Variants in KCNQ1 observed in about 807,000 individuals in gnomAD.
KCNQ1 encodes the protein potassium voltage-gated channel subfamily Q member 1.
In KCNQ1, 49 loss-of-function variants were observed where a neutral mutation model predicts 72.4. The ratio of observed to expected loss-of-function variants is 0.68; its 90% CI spans 0.54 to 0.86. The LOEUF is 0.86. Ranked by LOEUF, KCNQ1 falls within the 40% of genes least tolerant of loss-of-function variation. The probability of loss-of-function intolerance (pLI) is 0.00; values close to 1 mark genes in which losing one functional copy is unlikely to be tolerated. For synonymous variants in KCNQ1, 450 were observed against 412.6 expected (o/e 1.09, Z -1.10); for missense variants, 790 against 945.1 (o/e 0.84, Z 2.15).
In KCNQ1 at chr11:2,676,516, G is replaced by C. The variant is rs187649023; in HGVS notation, c.1514+14435G>C. On this transcript the variant is annotated intron_variant, in intron 11 of 15. Transcript: ENST00000155840. The surrounding 1 kb of genome is among the most constrained non-coding windows in gnomAD (Gnocchi z 4.2). Reference sequence around the variant, plus strand: ...CCATTTCTGGTGAACACTTGGACTTGGCAAAAGGCATAGAGGTAGTGGTAC... The same window carrying C: ...CCATTTCTGGTGAACACTTGGACTTCGCAAAAGGCATAGAGGTAGTGGTAC... The C allele has an allele frequency of 2.5e-6, 1 of 398,670 alleles. No homozygotes were observed. The highest frequency in any genetic ancestry group is 2.1e-5 in the African/African-American group (1 of 48,766). 24.7% of individuals were successfully genotyped at this position (398,670 alleles called of 1,614,324 possible). A position where few individuals can be genotyped will look rare whatever the true frequency, so the allele number is the denominator to read the frequency against.
At position 2,674,832 on chromosome 11, in the gene KCNQ1, T is replaced by TA. The variant is rs34219164; in HGVS notation, c.1514+12779dup. ...GCTTGTCACCCTAATAGCTGTTTTTTAAAAAAAAAAAAAAAAAAAAAAAAA... is the reference window on the plus strand; with the variant it reads ...GCTTGTCACCCTAATAGCTGTTTTTTAAAAAAAAAAAAAAAAAAAAAAAAAA... On this transcript the variant is annotated intron_variant, in intron 11 of 15. Transcript: ENST00000155840. The surrounding 1 kb of genome is among the most constrained non-coding windows in gnomAD (Gnocchi z 5.9). 0.095 allele frequency: 28,229 copies of TA among 295,938 alleles called. 1,878 individuals are homozygous for TA. The highest frequency in any genetic ancestry group is 0.21 in the African/African-American group (5,686 of 27,476). 18.3% of individuals were successfully genotyped at this position (295,938 alleles called of 1,614,324 possible). A position where few individuals can be genotyped will look rare whatever the true frequency, so the allele number is the denominator to read the frequency against.
rs149223287 is a variant in KCNQ1, at chr11:2,797,573, C to T, written c.1794+19536C>T. Among the ~76,000 whole-genome samples the T allele has an allele frequency of 3.9e-5, 6 of 152,088 alleles. No individual in the cohort carries two copies. The East Asian group carries it at 7.8e-4, about 20-fold the overall frequency. On this transcript the variant is annotated intron_variant, in intron 15 of 15. Transcript: ENST00000155840. ...TACCCACCACCCTTGCTCCGGAGCTCGAGGGCCCTTTCCCCACTAGCATCT... is the reference window on the plus strand; with the variant it reads ...TACCCACCACCCTTGCTCCGGAGCTTGAGGGCCCTTTCCCCACTAGCATCT...
Position 2,583,499 on chromosome 11 carries a change from C to T in KCNQ1, c.986C>T (p.Ala329Val), listed in dbSNP as rs200436951. ...CAGACGTGGGTCGGGAAGACCATCG[C>T]CTCCTGCTTCTCTGTCTTTGCCATC... Reference protein sequence around the residue: ...VPQTWVGKTIASCFSVFAISF... With the variant: ...VPQTWVGKTIVSCFSVFAISF... Residue 329 changes from alanine (A) to valine (V), a missense_variant, in exon 7 of 16, where the codon GCC becomes GTC. Ala to Val is a moderately conservative substitution (Grantham distance 64, BLOSUM62 0). Transcript: ENST00000155840. The T allele has an allele frequency of 6.2e-7, 1 of 1,614,064 alleles. No homozygotes were observed. The highest frequency in any genetic ancestry group is 8.5e-7 in the Non-Finnish European group (1 of 1,179,962).
At chr11:2,770,328 C>G (rs1419648520) in intron 12 of KCNQ1, among the ~76,000 whole-genome samples, 1 of 152,212 alleles carries the variant, frequency 6.6e-6, no homozygotes, top group Non-Finnish European at 1.5e-5. Context: ...GAATGAGAGC[C>G]TAAGGGTTTG....
chr11:2,507,409 G>A lies in KCNQ1; in HGVS notation c.387-20519G>A, dbSNP rs755648648. 2.0e-5 allele frequency among the ~76,000 whole-genome samples: 3 copies of A among 152,262 alleles called. No homozygotes were observed. The highest frequency in any genetic ancestry group is 2.1e-4 in the South Asian group (1 of 4,822). ...TGAGGTGGCTGTGGGATGGGACGGC[G>A]TGGTTTGCTCTAGAGGGTTTGAAGG... On this transcript the variant is annotated intron_variant, in intron 1 of 15. Transcript: ENST00000155840. The surrounding 1 kb of genome is among the most constrained non-coding windows in gnomAD (Gnocchi z 5.4).
At chr11:2,740,088 C>T (rs1177266522) in intron 11 of KCNQ1, among the ~76,000 whole-genome samples, 1 of 152,312 alleles carries the variant, frequency 6.6e-6, no homozygotes, top group South Asian at 2.1e-4. Context: ...CAGAGGCAAG[C>T]CCTGCATGGC....
At chr11:2,616,532 T>G in intron 10 of KCNQ1, 1 of 398,098 alleles carries the variant, frequency 2.5e-6, no homozygotes, top group Non-Finnish European at 4.4e-6. Flanking sequence ...ACAGCTATAA[T>G]TTTTCCTCTG....
In KCNQ1 at chr11:2,592,706, G is replaced by A. The variant is rs1188973885; in HGVS notation, c.1393+3852G>A. ...TGCGAGGATGCGGTGGCCATTGTCT[G>A]TGCCCAGCCTGGGGAGCCTGACACT... On this transcript the variant is annotated intron_variant, in intron 10 of 15. Coordinates refer to ENST00000155840, the MANE Select transcript of KCNQ1 (RefSeq NM_000218.3). The surrounding 1 kb of genome is among the most constrained non-coding windows in gnomAD (Gnocchi z 5.2). 6.6e-6 allele frequency among the ~76,000 whole-genome samples: 1 copy of A among 152,230 alleles called. No homozygotes were observed. The highest frequency in any genetic ancestry group is 2.4e-5 in the African/African-American group (1 of 41,464).
intron 15 of KCNQ1, among the ~76,000 whole-genome samples, chr11:2,806,742 G>C (rs1329391532): frequency 1.3e-5 from 2 of 152,200 alleles, no homozygotes; most frequent in Non-Finnish European, 2.9e-5. Flanking sequence ...GAGTACGTTC[G>C]GGCTCAGGTT....
At chr11:2,684,519 G>C (rs117013711) in intron 11 of KCNQ1, 2 of 398,508 alleles carry the variant, frequency 5.0e-6, no homozygotes, top group African/African-American at 2.1e-5. Context: ...TCCACTGTTA[G>C]GTGTTGGAAA....
rs1847919044 is a variant in KCNQ1, at chr11:2,547,735, C to T, written c.477+19717C>T. Among the ~76,000 whole-genome samples, 2 of 152,206 alleles carry T rather than the reference C, an allele frequency of 1.3e-5. No homozygotes were observed. Among genetic ancestry groups the T allele is most frequent in the Non-Finnish European group, 2.9e-5 (2 of 68,044 alleles). ...TCAGACCCCCACAACCTTGGGTGGA[C>T]TACTGACTACTTCGCGGGTAAGAAA... On this transcript the variant is annotated intron_variant, in intron 2 of 15. Transcript: ENST00000155840. The surrounding 1 kb of genome is among the most constrained non-coding windows in gnomAD (Gnocchi z 4.2).
Position 2,463,225 on chromosome 11 carries a change from G to C in KCNQ1, c.386+17741G>C, listed in dbSNP as rs1326715528. The stretch of plus-strand genomic sequence containing the variant: ...CTTGGGGGACCATTGACTTTACTGT[G>C]TGCCTGGAGAGCCTAATCCCTACCT... On this transcript the variant is annotated intron_variant, in intron 1 of 15. Transcript: ENST00000155840. The surrounding 1 kb of genome is among the most constrained non-coding windows in gnomAD (Gnocchi z 7.0). 6.6e-6 allele frequency among the ~76,000 whole-genome samples: 1 copy of C among 152,174 alleles called. No homozygotes were observed. Among genetic ancestry groups the C allele is most frequent in the African/African-American group, 2.4e-5 (1 of 41,426 alleles).
rs141475897 is a variant in KCNQ1, at chr11:2,566,388, G to A, written c.478-4240G>A. ...GAGGACACCTGTACCTTGTCCCGGG[G>A]CGGGGCTCTCTCTGCCATGGACGCC... is the stretch of plus-strand genomic sequence containing the variant. On this transcript the variant is annotated intron_variant, in intron 2 of 15. Coordinates refer to ENST00000155840, the MANE Select transcript of KCNQ1 (RefSeq NM_000218.3). This position sits in a 1 kb window ranked among gnomAD's most constrained non-coding sequence, Gnocchi z 6.7. 6.7e-3 allele frequency among the ~76,000 whole-genome samples: 1,016 copies of A among 152,308 alleles called. 9 individuals carry two copies. Among genetic ancestry groups the A allele is most frequent in the African/African-American group, 0.022 (932 of 41,556 alleles).
rs1057518902 is a variant in KCNQ1, at chr11:2,588,810, A to G, written c.1349A>G (p.Glu450Gly). ...CATATCACGTGCGACCCCCCAGAAG[A>G]GCGGCGGCTGGACCACTTCTCTGTC... ...VPHITCDPPE[E>G]RRLDHFSVDG... is the part of the protein sequence containing the mutation. Residue 450 changes from glutamate (E) to glycine (G), a missense_variant, in exon 10 of 16, where the codon GAG becomes GGG. Physicochemically the swap from Glu to Gly is moderately conservative, Grantham distance 98. This residue lies in a region of KCNQ1 where 178 missense variants were observed against 177.9 expected (regional missense o/e 1.00). Coordinates refer to ENST00000155840, the MANE Select transcript of KCNQ1 (RefSeq NM_000218.3). The surrounding 1 kb of genome is among the most constrained non-coding windows in gnomAD (Gnocchi z 5.6). The G allele has an allele frequency of 1.9e-6, 3 of 1,613,070 alleles. No homozygotes were observed. The highest frequency in any genetic ancestry group is 2.5e-6 in the Non-Finnish European group (3 of 1,179,908).
intron 11 of KCNQ1, among the ~76,000 whole-genome samples, chr11:2,702,088 A>G (rs1455272870): frequency 6.6e-6 from 1 of 152,180 alleles, no homozygotes; most frequent in Non-Finnish European, 1.5e-5. Flanking sequence ...AGCCTTCCTC[A>G]GGAGGCCAGA....
intron 6 of KCNQ1, among the ~76,000 whole-genome samples, chr11:2,576,291 C>G (rs953945442): frequency 6.6e-6 from 1 of 152,194 alleles, no homozygotes; most frequent in African/African-American, 2.4e-5. Context: ...CCTCCTGTCC[C>G]CTTCGCCGGG....
chr11:2,522,350 G>A (rs961946810), intron 1 of KCNQ1, among the ~76,000 whole-genome samples: 4 of 152,148 alleles, frequency 2.6e-5, no homozygotes, highest in African/African-American at 9.7e-5. Flanking sequence ...AACACGCATA[G>A]GATTCGTCCT....
chr11:2,577,996 G>C (rs994040869), intron 6 of KCNQ1, among the ~76,000 whole-genome samples: 9 of 152,178 alleles, frequency 5.9e-5, no homozygotes, highest in Non-Finnish European at 1.3e-4. Context: ...GTCCTGCCCT[G>C]TCCTGAGGAG....
rs1655169131 is a variant in KCNQ1 at position 2,603,985 on chromosome 11, C to T, written c.1393+15131C>T. On this transcript the variant is annotated intron_variant, in intron 10 of 15. Transcript: ENST00000155840. The surrounding 1 kb of genome is among the most constrained non-coding windows in gnomAD (Gnocchi z 4.1). ...GGACCACAGGCGTGAGCCACTGCAC[C>T]CGGCCCTTGTGCTTCATTCTTTTAT... 6.6e-6 allele frequency among the ~76,000 whole-genome samples: 1 copy of T among 152,146 alleles called. No homozygotes were observed. Among genetic ancestry groups the T allele is most frequent in the Non-Finnish European group, 1.5e-5 (1 of 68,028 alleles).
Sources: allele counts gnomAD v4.1 joint callset (sites outside exome capture counted in the v4.1 genomes callset), GRCh38; gene constraint gnomAD v4.1.1; regional missense constraint gnomAD v4.1.1; non-coding constraint Gnocchi (gnomAD v3.1); transcripts MANE v1.5; gene names NCBI Gene and HGNC (gene_info 2026-07-23, HGNC 2026-07-21).